TACC2: variants seen among roughly 807,000 people sequenced by gnomAD.
TACC2 encodes the protein transforming acidic coiled-coil containing protein 2.
Under a neutral mutation model 227.3 loss-of-function variants are expected in TACC2, and 137 were observed. The ratio of observed to expected loss-of-function variants is 0.60; its 90% CI spans 0.52 to 0.69. The LOEUF (loss-of-function observed/expected upper bound fraction) is 0.69. Among genes scored for constraint, TACC2 ranks in the 30% least tolerant of loss-of-function variants. TACC2 has a pLI of 0.00. For synonymous variants in TACC2, 1,523 were observed against 1,487.5 expected, an observed-to-expected ratio of 1.02 and a Z score of -0.55; for missense variants, 3,470 against 3,694.4, an observed-to-expected ratio of 0.94 and a Z score of 1.57.
At position 122,210,440 on chromosome 10, in the gene TACC2, C is replaced by T. The variant is rs762441531; in HGVS notation, c.6015C>T (p.Ser2005=). Residue 2005 remains serine, a synonymous_variant, in exon 9 of 23, where the codon AGC becomes AGT. Transcript: ENST00000369005. The surrounding 1 kb of genome is among the most constrained non-coding windows in gnomAD (Gnocchi z 4.6). The part of the protein sequence containing the change: ...ETVPVPDGPR[S]DSVEGSPFRP... ...TCCCTGTCCCTGATGGCCCACGGAGCGACTCGGTGGAAGGAAGTCCCTTCC... is the reference window on the plus strand; with the variant it reads ...TCCCTGTCCCTGATGGCCCACGGAGTGACTCGGTGGAAGGAAGTCCCTTCC... The T allele has an allele frequency of 7.4e-6, 12 of 1,613,996 alleles. No homozygotes were observed. The highest frequency in any genetic ancestry group is 4.0e-5 in the African/African-American group (3 of 74,908).
intron 7 of TACC2, among the ~76,000 whole-genome samples, chr10:122,177,099 C>T (rs927426393): frequency 2.0e-5 from 3 of 152,302 alleles, no homozygotes; most frequent in African/African-American, 7.2e-5. Context: ...TTGTGTTTTA[C>T]AAAAGGGCAG....
At chr10:122,211,768 C>G in intron 9 of TACC2, 60 bp downstream of exon 9, 1 of 1,439,236 alleles carries the variant, frequency 6.9e-7, no homozygotes, top group South Asian at 1.4e-5. Flanking sequence ...GGCTGTGACC[C>G]TTGGTCATGT....
At chr10:122,093,894 C>A (rs1412259744) in intron 5 of TACC2, among the ~76,000 whole-genome samples, 1 of 152,162 alleles carries the variant, frequency 6.6e-6, no homozygotes, top group Non-Finnish European at 1.5e-5. Flanking sequence ...AGGCAATGCC[C>A]AAGATCTCCA....
At chr10:122,047,811 G>A (rs2075201130) in intron 2 of TACC2, among the ~76,000 whole-genome samples, 1 of 152,208 alleles carries the variant, frequency 6.6e-6, no homozygotes, top group South Asian at 2.1e-4. Flanking sequence ...TCAATAACAG[G>A]AGCATTTATT....
intron 3 of TACC2, among the ~76,000 whole-genome samples, chr10:122,079,866 C>T (rs1212400479): frequency 1.3e-5 from 2 of 152,252 alleles, no homozygotes; most frequent in East Asian, 1.9e-4. Flanking sequence ...AGATAATCCA[C>T]ACAAAGCACT....
rs772061605 is a variant in TACC2, at chr10:122,084,453, A to T, written c.1953A>T (p.Thr651=). Residue 651 remains threonine (T), a synonymous_variant, in exon 4 of 23, where the codon ACA becomes ACT. Transcript: ENST00000369005. ...AGHTDGPHSQ[T]AEADASGLPH... ...ACACGGACGGGCCCCACTCTCAGACAGCAGAGGCTGATGCATCTGGCCTAC... is the reference window on the plus strand; with the variant it reads ...ACACGGACGGGCCCCACTCTCAGACTGCAGAGGCTGATGCATCTGGCCTAC... 3.1e-6 allele frequency: 5 copies of T among 1,613,016 alleles called. No homozygotes were observed. Among genetic ancestry groups the T allele is most frequent in the Non-Finnish European group, 4.2e-6 (5 of 1,180,020 alleles).
chr10:122,134,147 T>C (rs2089014319), intron 6 of TACC2, among the ~76,000 whole-genome samples: 1 of 151,276 alleles, frequency 6.6e-6, no homozygotes. Context: ...ACGTTCCTTT[T>C]ATAGGTGGGA....
At chr10:122,248,403 G>T (rs777584317) in intron 19 of TACC2, 6 of 546,578 alleles carry the variant, frequency 1.1e-5, no homozygotes, top group Non-Finnish European at 2.0e-5. Flanking sequence ...AATAGTAATG[G>T]CTCATTTCTA....
chr10:122,105,796 T>A (rs1395165611), intron 5 of TACC2, among the ~76,000 whole-genome samples: 4 of 151,246 alleles, frequency 2.6e-5, no homozygotes, highest in Non-Finnish European at 2.9e-5. Context: ...AATTTTTTTT[T>A]ATTTTTAGTA....
intron 5 of TACC2, among the ~76,000 whole-genome samples, chr10:122,126,145 G>A (rs924083887): frequency 6.6e-6 from 1 of 152,080 alleles, no homozygotes; most frequent in Admixed American, 6.5e-5. Context: ...CTTGAATTGA[G>A]TGCCACCATT....
At chr10:122,093,049 C>T (rs567948860) in intron 5 of TACC2, among the ~76,000 whole-genome samples, 17 of 150,826 alleles carry the variant, frequency 1.1e-4, no homozygotes, top group East Asian at 3.9e-4. Context: ...CCAAGCTTGT[C>T]GTTGCTGAAT....
At chr10:122,164,064 G>T (rs1194353761) in intron 7 of TACC2, 1 of 1,527,454 alleles carries the variant, frequency 6.5e-7, no homozygotes, top group African/African-American at 1.4e-5. Context: ...TGTTAGTGTC[G>T]CCTTTCCTAA....
chr10:122,050,606 C>G lies in TACC2; in HGVS notation c.146+56C>G. On this transcript the variant is annotated intron_variant, in intron 3 of 22. Coordinates refer to ENST00000369005, the MANE Select transcript of TACC2 (RefSeq NM_206862.4). This position sits in a 1 kb window ranked among gnomAD's most constrained non-coding sequence, Gnocchi z 4.6. Reference sequence around the variant, plus strand: ...GCCCAAGGACTGCCCCGCTCATTGCCTGCTCCAGCATTAGCTTTGCCCCAT... The same window carrying G: ...GCCCAAGGACTGCCCCGCTCATTGCGTGCTCCAGCATTAGCTTTGCCCCAT... 7.2e-7 allele frequency: 1 copy of G among 1,384,206 alleles called. No individual in the cohort carries two copies. The highest frequency in any genetic ancestry group is 1.2e-5 in the South Asian group (1 of 85,134). 85.7% of individuals were successfully genotyped at this position (1,384,206 alleles called of 1,614,324 possible). A position where few individuals can be genotyped will look rare whatever the true frequency, so the allele number is the denominator to read the frequency against.
rs759931970 is a variant in TACC2 at position 122,086,356 on chromosome 10, C to T, written c.3856C>T (p.Leu1286=). 9.9e-6 allele frequency: 16 copies of T among 1,613,724 alleles called. No individual in the cohort carries two copies. In the South Asian group the frequency reaches 1.4e-4, roughly 14 times the overall value. The part of the protein sequence containing the change: ...LALENAASLK[L]FAGSLAPLLQ... ...CTTGGAAAATGCTGCCTCCTTGAAGCTGTTTGCTGGCTCCCTCGCCCCCCT... is the reference window on the plus strand; with the variant it reads ...CTTGGAAAATGCTGCCTCCTTGAAGTTGTTTGCTGGCTCCCTCGCCCCCCT... Residue 1286 remains leucine (L), a synonymous_variant, in exon 4 of 23, where the codon CTG becomes TTG. Transcript: ENST00000369005.
Position 122,086,317 on chromosome 10 carries a change from G to A in TACC2, c.3817G>A (p.Glu1273Lys), listed in dbSNP as rs867158937. 1.9e-6 allele frequency: 3 copies of A among 1,613,890 alleles called. No homozygotes were observed. Among genetic ancestry groups the A allele is most frequent in the Non-Finnish European group, 1.7e-6 (2 of 1,180,038 alleles). Residue 1273 changes from glutamate to lysine, a missense_variant, in exon 4 of 23, where the codon GAG becomes AAG. Coordinates refer to ENST00000369005, the MANE Select transcript of TACC2 (RefSeq NM_206862.4). ...TGGCGAAAGCCCCTGTCCTGTAGGG[G>A]AGCCCCCACTTGCCTTGGAAAATGC... The part of the protein sequence containing the change: ...APGESPCPVG[E>K]PPLALENAAS...
At chr10:122,135,281 T>C (rs1231826849) in intron 6 of TACC2, among the ~76,000 whole-genome samples, 2 of 152,130 alleles carry the variant, frequency 1.3e-5, no homozygotes, top group Admixed American at 1.3e-4. Context: ...ATGGTCTCTC[T>C]CTAGTCCAAG....
chr10:122,082,560 G>A, intron 3 of TACC2, 87 bp from the exon 4 acceptor site: 3 of 1,462,724 alleles, frequency 2.1e-6, no homozygotes, highest in Non-Finnish European at 1.8e-6. Context: ...ATGCCCTTTT[G>A]TGGGGGTGGG....
intron 1 of TACC2, among the ~76,000 whole-genome samples, chr10:122,011,828 C>T (rs1221497519): frequency 6.6e-6 from 1 of 152,090 alleles, no homozygotes; most frequent in African/African-American, 2.4e-5. Context: ...TATTGGATTC[C>T]AGTGCAAAGA....
chr10:122,001,310 G>A (rs528938077), intron 1 of TACC2, among the ~76,000 whole-genome samples: 13 of 152,338 alleles, frequency 8.5e-5, no homozygotes, highest in African/African-American at 3.1e-4. Flanking sequence ...ATGGCAGAAG[G>A]CGAATGAGGA....
Sources: allele counts gnomAD v4.1 joint callset (sites outside exome capture counted in the v4.1 genomes callset), GRCh38; gene constraint gnomAD v4.1.1; non-coding constraint Gnocchi (gnomAD v3.1); transcripts MANE v1.5; gene names NCBI Gene and HGNC (gene_info 2026-07-23, HGNC 2026-07-21).